Variants in SLC67A2 observed in about 807,000 individuals in gnomAD.
The protein encoded by SLC67A2 is solute carrier family 67 member A2.
the SLC67A2 span, among the ~76,000 whole-genome samples, chr2:102,735,255 G>A: frequency 6.6e-6 from 1 of 152,244 alleles, no homozygotes; most frequent in Admixed American, 6.5e-5. Flanking sequence ...CCTAGAGGCA[G>A]AGAAATCCTC....
the SLC67A2 span, among the ~76,000 whole-genome samples, chr2:102,724,358 A>G: frequency 6.6e-6 from 1 of 152,196 alleles, no homozygotes; most frequent in African/African-American, 2.4e-5. Context: ...TAAACCAAAG[A>G]ACAGAGAAAC....
chr2:102,726,775 G>T, the SLC67A2 span: 1 of 1,509,876 alleles, frequency 6.6e-7, no homozygotes, highest in Non-Finnish European at 8.8e-7. Flanking sequence ...AGGAGGAAGC[G>T]TGCAGTTTCA....
the SLC67A2 span, chr2:102,723,997 T>C: frequency 8.9e-7 from 1 of 1,120,686 alleles, no homozygotes; most frequent in Non-Finnish European, 1.3e-6. Flanking sequence ...CTATCCCTGA[T>C]GGAGTTCTGA....
At chr2:102,718,765 G>A in the SLC67A2 span, 22 of 1,613,670 alleles carry the variant, frequency 1.4e-5, no homozygotes, top group Non-Finnish European at 1.6e-5. Flanking sequence ...GTGTGCAGGT[G>A]AGTATGCTGG....
chr2:102,727,912 T>A, the SLC67A2 span, among the ~76,000 whole-genome samples: 4 of 152,214 alleles, frequency 2.6e-5, no homozygotes, highest in South Asian at 2.1e-4. Context: ...ATAATTTTTT[T>A]AAAATTTGTG....
At chr2:102,723,821 G>C in the SLC67A2 span, 1 of 1,614,206 alleles carries the variant, frequency 6.2e-7, no homozygotes, top group Non-Finnish European at 8.5e-7. Flanking sequence ...AGGCTGTGTT[G>C]AAGTGTCCGA....
chr2:102,724,497 T>C, the SLC67A2 span, among the ~76,000 whole-genome samples: 1 of 152,182 alleles, frequency 6.6e-6, no homozygotes, highest in Non-Finnish European at 1.5e-5. Flanking sequence ...GATATAACTT[T>C]TAATAAGAAA....
the SLC67A2 span, among the ~76,000 whole-genome samples, chr2:102,734,470 C>A: frequency 6.6e-6 from 1 of 152,116 alleles, no homozygotes; most frequent in Non-Finnish European, 1.5e-5. Context: ...CTTCTCTAAG[C>A]TTGTTCCCTT....
chr2:102,723,893 A>T, the SLC67A2 span: 3 of 1,613,788 alleles, frequency 1.9e-6, no homozygotes, highest in South Asian at 2.2e-5. Context: ...AGATGGAGAG[A>T]GTGTGTTTAA....
At chr2:102,723,333 G>A in the SLC67A2 span, among the ~76,000 whole-genome samples, 1 of 152,190 alleles carries the variant, frequency 6.6e-6, no homozygotes, top group Non-Finnish European at 1.5e-5. Flanking sequence ...ACCGGGTATG[G>A]TGGCATATGC....
the SLC67A2 span, among the ~76,000 whole-genome samples, chr2:102,721,969 GTGCTGGGAT>G: frequency 6.6e-6 from 1 of 152,202 alleles, no homozygotes; most frequent in East Asian, 1.9e-4. Context: ...GCCTCCCAGA[GTGCTGGGAT>G]TGCAGGCATG....
the SLC67A2 span, among the ~76,000 whole-genome samples, chr2:102,729,082 A>C: frequency 6.6e-6 from 1 of 152,214 alleles, no homozygotes; most frequent in Non-Finnish European, 1.5e-5. Context: ...TTTTTGGTAA[A>C]ATTTATAATT....
At chr2:102,723,359 C>T in the SLC67A2 span, among the ~76,000 whole-genome samples, 2 of 152,160 alleles carry the variant, frequency 1.3e-5, no homozygotes, top group Non-Finnish European at 2.9e-5. Context: ...ATCCCAGCTA[C>T]TCAGGAGGCT....
the SLC67A2 span, among the ~76,000 whole-genome samples, chr2:102,730,212 C>CT: frequency 3.9e-5 from 6 of 151,928 alleles, no homozygotes; most frequent in Admixed American, 2.6e-4. Flanking sequence ...ATCTGTGTTT[C>CT]TTTTTTTTGA....
At chr2:102,719,283 A>T in the SLC67A2 span, 2 of 1,424,054 alleles carry the variant, frequency 1.4e-6, no homozygotes, top group South Asian at 2.7e-5. Flanking sequence ...GGGAAGGGCC[A>T]ATTATTTGTG....
the SLC67A2 span, among the ~76,000 whole-genome samples, chr2:102,728,694 T>C: frequency 6.6e-6 from 1 of 152,230 alleles, no homozygotes; most frequent in Admixed American, 6.5e-5. Context: ...ATTTACACCC[T>C]GGCCCTAAGC....
At chr2:102,736,618 T>C in the SLC67A2 span, 2 of 1,613,458 alleles carry the variant, frequency 1.2e-6, no homozygotes, top group Admixed American at 1.7e-5. Flanking sequence ...AGTCAGCACT[T>C]GCTCCCAGCC....
At chr2:102,732,064 A>G in the SLC67A2 span, 2 of 606,432 alleles carry the variant, frequency 3.3e-6, no homozygotes, top group Non-Finnish European at 6.3e-6. Context: ...AGGCTCCATA[A>G]GTACCTGTTG....
the SLC67A2 span, among the ~76,000 whole-genome samples, chr2:102,726,599 T>C: frequency 5.5e-3 from 832 of 151,772 alleles, 10 homozygotes; most frequent in African/African-American, 0.019. Context: ...GATATAGACA[T>C]AGACACACAC....
Sources: gnomAD v4.1 joint callset for allele counts (sites outside exome capture counted in the v4.1 genomes callset) on GRCh38, gnomAD v4.1.1 for gene constraint, MANE v1.5 for transcripts, NCBI Gene and HGNC (gene_info 2026-07-23, HGNC 2026-07-21) for gene names.